The following ARHGEF6 variants were observed in gnomAD, a reference collection of about 807,000 sequenced individuals.
ARHGEF6 encodes the protein Rac/Cdc42 guanine nucleotide exchange factor 6.
Under a neutral mutation model 70.3 loss-of-function variants are expected in ARHGEF6, and 9 were observed. The observed-to-expected ratio is 0.13, with a 90% CI of 0.08 to 0.22. The LOEUF is 0.22. Among genes scored for constraint, ARHGEF6 ranks in the 10% least tolerant of loss-of-function variants. ARHGEF6 has a pLI of 1.00. For synonymous variants in ARHGEF6, 201 were observed against 207.8 expected, an observed-to-expected ratio of 0.97 and a Z score of 0.28; for missense variants, 470 against 563.0, an observed-to-expected ratio of 0.83 and a Z score of 1.67.
intron 6 of ARHGEF6, among the ~76,000 whole-genome samples, chrX:136,729,793 G>T (rs2076916666): frequency 9.2e-6 from 1 of 108,380 alleles, no homozygotes; most frequent in South Asian, 4.0e-4. Context: ...TCGTGCCACT[G>T]CACTCCAGCC....
chrX:136,774,058 C>T (rs1242897574), intron 2 of ARHGEF6: 4 of 111,368 alleles, frequency 3.6e-5, no homozygotes, highest in African/African-American at 6.5e-5. Context: ...ATTCATATGG[C>T]CCCTGTACGA....
intron 2 of ARHGEF6, among the ~76,000 whole-genome samples, chrX:136,752,481 C>T (rs1262099525): frequency 8.9e-6 from 1 of 112,255 alleles, no homozygotes; most frequent in African/African-American, 3.2e-5. Flanking sequence ...GCAATGACAC[C>T]TAGCCTCCTG....
At chrX:136,695,942 C>T (rs7051478) in intron 9 of ARHGEF6, among the ~76,000 whole-genome samples, 6,283 of 111,351 alleles carry the variant, frequency 0.056, 457 homozygotes, top group African/African-American at 0.19. Context: ...ATATTTTATA[C>T]TTTTTTTCCT....
intron 2 of ARHGEF6, among the ~76,000 whole-genome samples, chrX:136,765,900 C>G (rs995392604): frequency 1.8e-5 from 2 of 112,439 alleles, no homozygotes; most frequent in African/African-American, 6.5e-5. Flanking sequence ...CAAAGAAATG[C>G]AATATGAGAA....
At chrX:136,671,194 G>C (rs2076222535) in intron 20 of ARHGEF6, among the ~76,000 whole-genome samples, 1 of 112,230 alleles carries the variant, frequency 8.9e-6, no homozygotes, top group Non-Finnish European at 1.9e-5. Flanking sequence ...GAGGCACAGA[G>C]AGGTGAAGCA....
chrX:136,698,373 C>T (rs937097011), intron 9 of ARHGEF6, among the ~76,000 whole-genome samples: 1 of 111,067 alleles, frequency 9.0e-6, no homozygotes, highest in African/African-American at 3.3e-5. Flanking sequence ...GACTAAAATT[C>T]CCAAATTTGA....
At chrX:136,668,675 T>C (rs761808468) in intron 21 of ARHGEF6, among the ~76,000 whole-genome samples, 622 of 109,080 alleles carry the variant, frequency 5.7e-3, no homozygotes, top group African/African-American at 0.02. Flanking sequence ...TGAGATTACC[T>C]GGCAGCAGCT....
chrX:136,687,884 G>A lies in ARHGEF6; in HGVS notation c.1245+48C>T, dbSNP rs779810092. The A allele has an allele frequency of 5.9e-5, 63 of 1,068,833 alleles. No homozygotes were observed. The South Asian group carries it at 9.3e-4, about 16-fold the overall frequency. The allele number at this position is 1,068,833 out of a possible 1,213,427, so 88.1% of individuals were successfully genotyped here. On this transcript the variant is annotated intron_variant, in intron 11 of 21. Transcript: ENST00000250617. ...TGTTACACACAAATCGCTCTTTCAGGAATAAAGTATACAAAATGGAGAATT... is the reference window on the plus strand; with the variant it reads ...TGTTACACACAAATCGCTCTTTCAGAAATAAAGTATACAAAATGGAGAATT...
At chrX:136,675,677 G>A (rs113564529) in intron 18 of ARHGEF6, among the ~76,000 whole-genome samples, 1 of 109,424 alleles carries the variant, frequency 9.1e-6, no homozygotes, top group East Asian at 2.9e-4. Flanking sequence ...CACCACACCC[G>A]GCTAATTTTT....
At position 136,757,840 on chromosome X, in the gene ARHGEF6, G is replaced by A. The variant is rs184043383; in HGVS notation, c.250-10248C>T. 4.5e-5 allele frequency among the ~76,000 whole-genome samples: 5 copies of A among 111,109 alleles called. No individual in the cohort carries two copies. The East Asian group carries it at 1.4e-3, about 31-fold the overall frequency. ...CATGGTGCTCACTTTACAGACATTGGACAAGTTCTTGCTAAGTGTCAGTTT... is the reference window on the plus strand; with the variant it reads ...CATGGTGCTCACTTTACAGACATTGAACAAGTTCTTGCTAAGTGTCAGTTT... On this transcript the variant is annotated intron_variant, in intron 2 of 21. Transcript: ENST00000250617.
chrX:136,721,868 T>C (rs113668733), intron 6 of ARHGEF6, among the ~76,000 whole-genome samples: 27 of 111,127 alleles, frequency 2.4e-4, no homozygotes, highest in African/African-American at 8.8e-4. Flanking sequence ...TGTGCAACAT[T>C]GTGACTATAG....
intron 2 of ARHGEF6, among the ~76,000 whole-genome samples, chrX:136,762,912 A>G (rs775445969): frequency 2.7e-4 from 30 of 111,717 alleles, no homozygotes; most frequent in Non-Finnish European, 5.3e-4. Context: ...CTGCACTGGT[A>G]TACAACTTCT....
intron 6 of ARHGEF6, among the ~76,000 whole-genome samples, chrX:136,722,846 G>A (rs1275320093): frequency 8.9e-6 from 1 of 112,312 alleles, no homozygotes; most frequent in Non-Finnish European, 1.9e-5. Context: ...ACTTGCACAT[G>A]AATGTTCACA....
chrX:136,771,056 A>T (rs946470999), intron 2 of ARHGEF6, among the ~76,000 whole-genome samples: 1 of 112,374 alleles, frequency 8.9e-6, no homozygotes, highest in Non-Finnish European at 1.9e-5. Context: ...AAATCAAGAA[A>T]ACAATCCTAT....
intron 15 of ARHGEF6, 81 bp from the exon 16 acceptor site, chrX:136,679,741 C>T (rs1478551848): frequency 2.7e-5 from 31 of 1,128,861 alleles, no homozygotes; most frequent in Admixed American, 6.6e-5. Flanking sequence ...ACAACAATAG[C>T]TTCATTGGAT....
intron 5 of ARHGEF6, among the ~76,000 whole-genome samples, chrX:136,734,242 G>T (rs1238458021): frequency 9.0e-6 from 1 of 111,657 alleles, no homozygotes; most frequent in Non-Finnish European, 1.9e-5. Context: ...TGCTAGTTCA[G>T]GATCCGCCTG....
chrX:136,753,264 T>A (rs1278486363), intron 2 of ARHGEF6, among the ~76,000 whole-genome samples: 1 of 112,341 alleles, frequency 8.9e-6, no homozygotes, highest in Non-Finnish European at 1.9e-5. Context: ...CAAGATCTAA[T>A]TTGTGCCTGT....
At chrX:136,671,940 T>A in intron 20 of ARHGEF6, 80 bp downstream of exon 20, 1 of 811,473 alleles carries the variant, frequency 1.2e-6, no homozygotes, top group Non-Finnish European at 1.9e-6. Context: ...CATCATAGAC[T>A]CTCCAGGAGC....
At chrX:136,729,749 G>C (rs953064864) in intron 6 of ARHGEF6, among the ~76,000 whole-genome samples, 5 of 108,427 alleles carry the variant, frequency 4.6e-5, no homozygotes, top group African/African-American at 1.7e-4. Context: ...AGAATTTCTT[G>C]AACCCGGGAG....
Sources: gnomAD v4.1 joint callset for allele counts (sites outside exome capture counted in the v4.1 genomes callset) on GRCh38, gnomAD v4.1.1 for gene constraint, MANE v1.5 for transcripts, NCBI Gene and HGNC (gene_info 2026-07-23, HGNC 2026-07-21) for gene names.